Variants in WASF3 observed in about 807,000 individuals in gnomAD.
The protein encoded by WASF3 is WASP family member 3.
Under a neutral mutation model 46.6 loss-of-function variants are expected in WASF3, and 11 were observed. The observed-to-expected ratio is 0.24, with a 90% CI of 0.15 to 0.39. The LOEUF is 0.39. WASF3 is among the 10% of genes least tolerant of loss of function. The pLI is 1.00. For missense variants in WASF3, 576 were observed against 669.8 expected (o/e 0.86, Z 1.55); for synonymous variants, 242 against 259.7 (o/e 0.93, Z 0.65).
intron 1 of WASF3, among the ~76,000 whole-genome samples, chr13:26,566,711 A>G (rs554552887): frequency 6.6e-6 from 1 of 152,324 alleles, no homozygotes; most frequent in East Asian, 1.9e-4. Flanking sequence ...AGGTTTTTAT[A>G]GACCAGCACA....
rs1883421284 is a variant in WASF3, at chr13:26,686,885, A to C, written c.*1040A>C. 1 of 152,274 alleles carries C rather than the reference A, an allele frequency of 6.6e-6. No individual in the cohort carries two copies. The allele number at this position is 152,274 out of a possible 1,614,324, so 9.4% of individuals were successfully genotyped here. A position where few individuals can be genotyped will look rare whatever the true frequency, so the allele number is the denominator to read the frequency against. On this transcript the variant is annotated 3_prime_UTR_variant, in exon 10 of 10. Coordinates refer to ENST00000335327, the MANE Select transcript of WASF3 (RefSeq NM_006646.6). ...AAAGCTTAGGTTTAGGTGAAAGTAG[A>C]TATTGACAGCTATTCACCTTTCACG...
intron 2 of WASF3, chr13:26,640,784 T>A (rs1340380061): frequency 6.6e-6 from 1 of 152,160 alleles, no homozygotes; most frequent in African/African-American, 2.4e-5. Context: ...TGTTTGGTGA[T>A]CCTTGACTCT....
At chr13:26,575,395 A>T (rs1879766560) in intron 1 of WASF3, among the ~76,000 whole-genome samples, 1 of 152,110 alleles carries the variant, frequency 6.6e-6, no homozygotes, top group Non-Finnish European at 1.5e-5. Flanking sequence ...TTACTTTGTG[A>T]CCAGTCCTTT....
chr13:26,641,763 C>T (rs1400190114), intron 2 of WASF3, among the ~76,000 whole-genome samples: 2 of 152,094 alleles, frequency 1.3e-5, no homozygotes, highest in Non-Finnish European at 2.9e-5. Flanking sequence ...TGGATGGTTG[C>T]CTGAGAAAGC....
chr13:26,621,084 G>A (rs1373857773), intron 2 of WASF3, among the ~76,000 whole-genome samples: 1 of 152,116 alleles, frequency 6.6e-6, no homozygotes, highest in East Asian at 1.9e-4. Flanking sequence ...AGGATGCTGG[G>A]GGGTCTGTGA....
intron 6 of WASF3, among the ~76,000 whole-genome samples, chr13:26,673,977 TG>T (rs1056385678): frequency 2.0e-5 from 3 of 151,704 alleles, no homozygotes; most frequent in African/African-American, 7.3e-5. Context: ...TGGAGAGGTG[TG>T]GGGGGCAGAT....
intron 7 of WASF3, among the ~76,000 whole-genome samples, chr13:26,677,502 AC>A (rs577258546): frequency 1.0e-3 from 154 of 152,350 alleles, no homozygotes; most frequent in African/African-American, 3.6e-3. Flanking sequence ...TTTCAAAACA[AC>A]AGCAACCTGG....
intron 1 of WASF3, among the ~76,000 whole-genome samples, chr13:26,565,139 C>T (rs1879423452): frequency 6.8e-6 from 1 of 147,204 alleles, no homozygotes; most frequent in African/African-American, 2.5e-5. Context: ...GAGATCACAC[C>T]ACTGTACTCC....
chr13:26,644,679 T>A (rs1882096414), intron 3 of WASF3, among the ~76,000 whole-genome samples: 1 of 152,154 alleles, frequency 6.6e-6, no homozygotes, highest in African/African-American at 2.4e-5. Context: ...TGCAGTGAAT[T>A]TGCTAGTCTC....
intron 1 of WASF3, among the ~76,000 whole-genome samples, chr13:26,560,414 A>G (rs1546258): frequency 0.31 from 46,867 of 151,962 alleles, 7,581 homozygotes; most frequent in East Asian, 0.55. Flanking sequence ...TCCTATTCCT[A>G]TTTCTTTCTT....
chr13:26,554,923 G>T (rs1457275384), upstream of WASF3, among the ~76,000 whole-genome samples: 3 of 152,176 alleles, frequency 2.0e-5, no homozygotes, highest in Non-Finnish European at 4.4e-5. Flanking sequence ...GGACTGAATT[G>T]TGAGACTATG....
the WASF3 span, among the ~76,000 whole-genome samples, chr13:26,545,164 G>A: frequency 2.0e-5 from 3 of 152,160 alleles, no homozygotes; most frequent in Non-Finnish European, 4.4e-5. Context: ...ACTTTGTTAG[G>A]AGCTCTGCTG....
intron 3 of WASF3, among the ~76,000 whole-genome samples, chr13:26,662,685 T>C (rs1882663356): frequency 6.6e-6 from 1 of 152,192 alleles, no homozygotes; most frequent in Non-Finnish European, 1.5e-5. Flanking sequence ...CAACAAAGTG[T>C]CTCTTGGATA....
At position 26,673,207 on chromosome 13, in the gene WASF3, A is replaced by G. The variant is rs150042269; in HGVS notation, c.540+1218A>G. Among the ~76,000 whole-genome samples the G allele has an allele frequency of 8.3e-3, 1,270 of 152,230 alleles. 16 individuals carry two copies. The highest frequency in any genetic ancestry group is 0.029 in the African/African-American group (1,215 of 41,512). ...AAGGCCTTCTAGGTTTCCTTTCTCA[A>G]TGATGCTTTTGGCAAAACTGTTTAA... On this transcript the variant is annotated intron_variant, in intron 6 of 9. Coordinates refer to ENST00000335327, the MANE Select transcript of WASF3 (RefSeq NM_006646.6).
chr13:26,670,546 A>G (rs977047095), intron 5 of WASF3, among the ~76,000 whole-genome samples: 2 of 152,202 alleles, frequency 1.3e-5, no homozygotes, highest in Non-Finnish European at 2.9e-5. Context: ...ACATTTGCTT[A>G]CTTAAGTGAG....
At chr13:26,595,475 C>T (rs1177219949) in intron 1 of WASF3, among the ~76,000 whole-genome samples, 1 of 152,184 alleles carries the variant, frequency 6.6e-6, no homozygotes, top group Admixed American at 6.5e-5. Context: ...TAAATTGATA[C>T]TGGTACGTAC....
intron 1 of WASF3, among the ~76,000 whole-genome samples, chr13:26,586,067 A>G (rs1334920986): frequency 6.6e-6 from 1 of 152,172 alleles, no homozygotes; most frequent in African/African-American, 2.4e-5. Flanking sequence ...TGTGGATAGA[A>G]TTATGATGCC....
chr13:26,553,418 T>G (rs1435110296), upstream of WASF3, among the ~76,000 whole-genome samples: 1 of 151,968 alleles, frequency 6.6e-6, no homozygotes, highest in Non-Finnish European at 1.5e-5. Flanking sequence ...CGGCTCTGCT[T>G]GTACACTAGA....
chr13:26,631,476 G>A (rs1881650342), intron 2 of WASF3, among the ~76,000 whole-genome samples: 2 of 152,158 alleles, frequency 1.3e-5, no homozygotes, highest in Non-Finnish European at 1.5e-5. Flanking sequence ...AAGATCAGAT[G>A]GTTGTAGATG....
Sources: gnomAD v4.1 joint callset for allele counts (sites outside exome capture counted in the v4.1 genomes callset) on GRCh38, gnomAD v4.1.1 for gene constraint, MANE v1.5 for transcripts, NCBI Gene and HGNC (gene_info 2026-07-23, HGNC 2026-07-21) for gene names.